WHRN: variants seen among roughly 807,000 people sequenced by gnomAD.
WHRN encodes the protein whirlin, also known as CASK-interacting protein CIP98.
Under a neutral mutation model 68.3 loss-of-function variants are expected in WHRN, and 41 were observed. The observed-to-expected ratio is 0.60, with a 90% confidence interval of 0.47 to 0.78. The LOEUF (loss-of-function observed/expected upper bound fraction) is 0.78, where lower values mean the gene tolerates loss of function less well. Among genes scored for constraint, WHRN ranks in the 30% least tolerant of loss-of-function variants. The probability of loss-of-function intolerance (pLI) is 0.00; values close to 1 mark genes in which losing one functional copy is unlikely to be tolerated. For synonymous variants in WHRN, 560 were observed against 561.3 expected (o/e 1.00, Z 0.03); for missense variants, 1,243 against 1,244.7 (o/e 1.00, Z 0.02).
intron 1 of WHRN, among the ~76,000 whole-genome samples, chr9:114,489,494 ACACACACACG>A (rs1842797300): frequency 1.7e-5 from 2 of 117,874 alleles, no homozygotes; most frequent in East Asian, 2.2e-4. Flanking sequence ...ACACACGTAC[ACACACACACG>A]CACACACGCG....
chr9:114,503,900 C>T (rs577537708), intron 1 of WHRN, among the ~76,000 whole-genome samples: 1 of 152,360 alleles, frequency 6.6e-6, no homozygotes, highest in African/African-American at 2.4e-5. Flanking sequence ...CAGCCCTATT[C>T]ACACATTGTA....
intron 3 of WHRN, among the ~76,000 whole-genome samples, chr9:114,432,587 T>C (rs921555680): frequency 3.3e-5 from 5 of 152,198 alleles, no homozygotes; most frequent in Non-Finnish European, 5.9e-5. Context: ...TGTATGACCT[T>C]GGGTAATTGA....
chr9:114,403,129 C>T, intron 11 of WHRN, 88 bp downstream of exon 11: 1 of 1,594,724 alleles, frequency 6.3e-7, no homozygotes, highest in Non-Finnish European at 8.6e-7. Context: ...TGCCGTGTTA[C>T]CCATGGGAGT....
chr9:114,485,001 C>T (rs1842369043), intron 1 of WHRN, among the ~76,000 whole-genome samples: 1 of 152,182 alleles, frequency 6.6e-6, no homozygotes, highest in Non-Finnish European at 1.5e-5. Context: ...CAAAACCATA[C>T]ACCAAAGGCA....
intron 1 of WHRN, among the ~76,000 whole-genome samples, chr9:114,487,015 T>C (rs1375767855): frequency 3.3e-4 from 33 of 100,112 alleles, no homozygotes; most frequent in Non-Finnish European, 6.0e-4. Flanking sequence ...ATATAATATA[T>C]ATAGTGTTTA....
At chr9:114,427,226 C>G (rs944301911) in intron 3 of WHRN, among the ~76,000 whole-genome samples, 1 of 152,198 alleles carries the variant, frequency 6.6e-6, no homozygotes, top group Non-Finnish European at 1.5e-5. Flanking sequence ...CCACCATACT[C>G]CAGCCTGGAC....
chr9:114,483,375 C>G (rs981584678), intron 1 of WHRN, among the ~76,000 whole-genome samples: 1 of 152,170 alleles, frequency 6.6e-6, no homozygotes, highest in Non-Finnish European at 1.5e-5. Flanking sequence ...GGTCTCTGCT[C>G]CTACTGCCTT....
chr9:114,415,498 G>A (rs1254401791), intron 7 of WHRN, among the ~76,000 whole-genome samples: 1 of 152,128 alleles, frequency 6.6e-6, no homozygotes. Context: ...CTCCTCAGCT[G>A]TCTCACCTCA....
chr9:114,438,619 A>AT lies in WHRN; in HGVS notation c.964-12207dup, dbSNP rs1463538122. ...AGGTGCCCGCCACCACGCCCAGCTA[A>AT]TTTTTTGTATTTTTAGTAGAGATGG... On this transcript the variant is annotated intron_variant, in intron 3 of 11. Coordinates refer to ENST00000362057, the MANE Select transcript of WHRN (RefSeq NM_015404.4). 7.2e-5 allele frequency among the ~76,000 whole-genome samples: 11 copies of AT among 151,842 alleles called. 1 individual carries two copies. The highest frequency in any genetic ancestry group is 5.9e-4 in the Admixed American group (9 of 15,270).
At position 114,423,452 on chromosome 9, in the gene WHRN, CAGCACCAGGTGGTCGA is replaced by C; in HGVS notation, c.1472_1487del (p.Phe491Ter). ...CCTTCATGGACTCAATCTCACGCCT[CAGCACCAGGTGGTCGA>C]AGCGTTCTAGGTCTTGCGGGGAAAT... On this transcript the variant is annotated frameshift_variant, in exon 7 of 12. Coordinates refer to ENST00000362057, the MANE Select transcript of WHRN (RefSeq NM_015404.4). LOFTEE classifies it high-confidence loss of function. 6.2e-7 allele frequency: 1 copy of C among 1,614,148 alleles called. No individual in the cohort carries two copies. Among genetic ancestry groups the C allele is most frequent in the Middle Eastern group, 1.6e-4 (1 of 6,062 alleles).
At chr9:114,445,541 A>G (rs1201908737) in intron 3 of WHRN, among the ~76,000 whole-genome samples, 1 of 152,216 alleles carries the variant, frequency 6.6e-6, no homozygotes, top group Non-Finnish European at 1.5e-5. Flanking sequence ...ATAAAGAAAA[A>G]AATTCCACAA....
chr9:114,454,916 C>A (rs13295687), intron 3 of WHRN, among the ~76,000 whole-genome samples: 7,575 of 152,144 alleles, frequency 0.05, 277 homozygotes, highest in Admixed American at 0.09. Flanking sequence ...CACAAATATA[C>A]CCAAGTGATT....
At chr9:114,428,865 CG>C (rs1837140918) in intron 3 of WHRN, among the ~76,000 whole-genome samples, 1 of 152,124 alleles carries the variant, frequency 6.6e-6, no homozygotes, top group South Asian at 2.1e-4. Flanking sequence ...CCCACGTGAG[CG>C]AGCTAGCATC....
At position 114,470,932 on chromosome 9, in the gene WHRN, C is replaced by T. The variant is rs146249468; in HGVS notation, c.838-4540G>A. Among the ~76,000 whole-genome samples, 263 of 152,178 alleles carry T rather than the reference C, an allele frequency of 1.7e-3. 4 individuals carry two copies. The East Asian group carries it at 0.02, about 11-fold the overall frequency. ...AAGCCCAGGAACACGCAGATGGCAGCCCATGTCTGCAGCAGCCCACTCTGA... is the reference window on the plus strand; with the variant it reads ...AAGCCCAGGAACACGCAGATGGCAGTCCATGTCTGCAGCAGCCCACTCTGA... On this transcript the variant is annotated intron_variant, in intron 2 of 11. Coordinates refer to ENST00000362057, the MANE Select transcript of WHRN (RefSeq NM_015404.4).
intron 1 of WHRN, among the ~76,000 whole-genome samples, chr9:114,487,071 G>C (rs143178543): frequency 7.2e-6 from 1 of 138,696 alleles, no homozygotes; most frequent in Non-Finnish European, 1.5e-5. Context: ...AAAAGAGAGC[G>C]AGAGTGAAAG....
chr9:114,424,183 TG>T, intron 6 of WHRN, 150 bp downstream of exon 6: 1 of 876,790 alleles, frequency 1.1e-6, no homozygotes, highest in Non-Finnish European at 1.9e-6. Flanking sequence ...GTGAGCATCC[TG>T]GGGGCAGGAG....
At chr9:114,477,092 C>A (rs1423267795) in intron 2 of WHRN, among the ~76,000 whole-genome samples, 6 of 152,228 alleles carry the variant, frequency 3.9e-5, no homozygotes, top group Admixed American at 3.9e-4. Context: ...GCGGCCCGGG[C>A]TGCTGTGGTG....
At chr9:114,502,702 C>G (rs1589284495) in intron 1 of WHRN, among the ~76,000 whole-genome samples, 5 of 152,176 alleles carry the variant, frequency 3.3e-5, no homozygotes, top group Admixed American at 3.3e-4. Flanking sequence ...CACCTTATCA[C>G]CTTGTGACCG....
intron 1 of WHRN, among the ~76,000 whole-genome samples, chr9:114,492,522 C>T (rs1589261617): frequency 1.3e-5 from 2 of 152,104 alleles, no homozygotes; most frequent in Admixed American, 6.5e-5. Flanking sequence ...GGCTAGATAA[C>T]GATGCTCAGA....
Sources: gnomAD v4.1 joint callset for allele counts (sites outside exome capture counted in the v4.1 genomes callset) on GRCh38, gnomAD v4.1.1 for gene constraint, MANE v1.5 for transcripts, NCBI Gene and HGNC (gene_info 2026-07-23, HGNC 2026-07-21) for gene names.